The following BMP6 variants were observed in gnomAD, a reference collection of about 807,000 sequenced individuals.
BMP6 encodes the protein bone morphogenetic protein 6.
In BMP6, 17 loss-of-function variants were observed where a neutral mutation model predicts 54.1. The observed-to-expected ratio is 0.31, with a 90% CI of 0.22 to 0.47. The LOEUF is 0.47. Ranked by LOEUF, BMP6 falls within the 20% of genes least tolerant of loss-of-function variation. The pLI, the probability that BMP6 is intolerant of heterozygous loss-of-function variation, is 1.00. For synonymous variants in BMP6, 328 were observed against 291.2 expected (o/e 1.13, Z -1.28); for missense variants, 720 against 690.4 (o/e 1.04, Z -0.48).
intron 2 of BMP6, among the ~76,000 whole-genome samples, chr6:7,854,322 T>G (rs1356999637): frequency 3.9e-5 from 6 of 152,192 alleles, no homozygotes; most frequent in Non-Finnish European, 7.3e-5. Flanking sequence ...ATCTACTATA[T>G]ATACCCATAA....
intron 2 of BMP6, among the ~76,000 whole-genome samples, chr6:7,849,816 C>T (rs1759116859): frequency 1.3e-5 from 2 of 152,158 alleles, no homozygotes; most frequent in South Asian, 4.1e-4. Flanking sequence ...CCGTGTTCTG[C>T]TCTCTGTGTT....
At chr6:7,823,367 A>G (rs1237182460) in intron 1 of BMP6, among the ~76,000 whole-genome samples, 1 of 152,212 alleles carries the variant, frequency 6.6e-6, no homozygotes, top group Admixed American at 6.5e-5. Flanking sequence ...CCTTTAGCCA[A>G]TGAAGACAAT....
intron 1 of BMP6, among the ~76,000 whole-genome samples, chr6:7,827,492 T>TC (rs1275593667): frequency 6.6e-6 from 1 of 152,120 alleles, no homozygotes; most frequent in Non-Finnish European, 1.5e-5. Flanking sequence ...TCCTTGTGGC[T>TC]CCCCCTTCCC....
chr6:7,835,913 T>C (rs922382614), intron 1 of BMP6, among the ~76,000 whole-genome samples: 1 of 152,090 alleles, frequency 6.6e-6, no homozygotes, highest in Non-Finnish European at 1.5e-5. Flanking sequence ...CTCGGCTCCC[T>C]GCAACCTCTG....
chr6:7,808,999 T>C (rs1376374987), intron 1 of BMP6, among the ~76,000 whole-genome samples: 1 of 151,502 alleles, frequency 6.6e-6, no homozygotes, highest in Non-Finnish European at 1.5e-5. Context: ...CTTCTGTGCC[T>C]TGAGGATCCT....
chr6:7,876,936 G>T, intron 4 of BMP6, among the ~76,000 whole-genome samples: 1 of 150,456 alleles, frequency 6.6e-6, no homozygotes, highest in South Asian at 2.2e-4. Flanking sequence ...GTTTTGTTTT[G>T]GTATTCTTCC....
intron 4 of BMP6, among the ~76,000 whole-genome samples, chr6:7,869,233 C>T (rs985517407): frequency 2.6e-5 from 4 of 152,230 alleles, no homozygotes; most frequent in African/African-American, 7.2e-5. Context: ...CTCTGGGTCT[C>T]ATACCTATGG....
chr6:7,742,915 C>G (rs568335530), intron 1 of BMP6, among the ~76,000 whole-genome samples: 10 of 152,284 alleles, frequency 6.6e-5, no homozygotes, highest in East Asian at 1.9e-4. Flanking sequence ...TCTTTCCCCC[C>G]CTTCTTATCC....
chr6:7,843,499 A>G (rs770761605), intron 1 of BMP6, among the ~76,000 whole-genome samples: 5 of 151,642 alleles, frequency 3.3e-5, no homozygotes, highest in Admixed American at 6.6e-5. Flanking sequence ...TAATTATGAA[A>G]AACAACATGT....
Position 7,766,028 on chromosome 6 carries a change from G to C in BMP6, c.664+38409G>C, listed in dbSNP as rs571256769. Among the ~76,000 whole-genome samples the C allele has an allele frequency of 2.0e-5, 3 of 152,236 alleles. No homozygotes were observed. The South Asian group carries it at 6.2e-4, about 32-fold the overall frequency. ...AAAAATCTTACCTTAAGCATTCCTGGAAGATATTCACAGCTTCCAGGGATC... is the reference window on the plus strand; with the variant it reads ...AAAAATCTTACCTTAAGCATTCCTGCAAGATATTCACAGCTTCCAGGGATC... On this transcript the variant is annotated intron_variant, in intron 1 of 6. Coordinates refer to ENST00000283147, the MANE Select transcript of BMP6 (RefSeq NM_001718.6).
chr6:7,828,092 C>G lies in BMP6; in HGVS notation c.665-17048C>G, dbSNP rs62387051. ...TTGTTTTGTTTCTAAATCATACATTCAAATGCTTGAGCCTGGTGAATTTTT... is the reference window on the plus strand; with the variant it reads ...TTGTTTTGTTTCTAAATCATACATTGAAATGCTTGAGCCTGGTGAATTTTT... On this transcript the variant is annotated intron_variant, in intron 1 of 6. Coordinates refer to ENST00000283147, the MANE Select transcript of BMP6 (RefSeq NM_001718.6). Among the ~76,000 whole-genome samples the G allele has an allele frequency of 1.0e-2, 1,517 of 152,280 alleles. 16 individuals carry two copies. Among genetic ancestry groups the G allele is most frequent in the Non-Finnish European group, 0.018 (1,194 of 68,016 alleles).
intron 1 of BMP6, among the ~76,000 whole-genome samples, chr6:7,729,011 ATCC>A (rs1432078128): frequency 1.3e-5 from 2 of 152,138 alleles, no homozygotes; most frequent in African/African-American, 4.8e-5. Flanking sequence ...TGGTGCAGAA[ATCC>A]TCCTGGGAAA....
Position 7,880,386 on chromosome 6 carries a change from C to T in BMP6, c.*43C>T. The T allele has an allele frequency of 6.2e-7, 1 of 1,609,936 alleles. No homozygotes were observed. Among genetic ancestry groups the T allele is most frequent in the South Asian group, 1.1e-5 (1 of 90,938 alleles). On this transcript the variant is annotated 3_prime_UTR_variant, in exon 7 of 7. Transcript: ENST00000283147. ...GGGACACACATTCTGCCTTGGATTC[C>T]TAGATTACATCTGCCTTAAAAAAAC...
At chr6:7,827,864 C>T (rs577742287) in intron 1 of BMP6, among the ~76,000 whole-genome samples, 18 of 152,298 alleles carry the variant, frequency 1.2e-4, no homozygotes, top group African/African-American at 3.8e-4. Flanking sequence ...AGTAAAAGCA[C>T]CCAAAAGCAC....
At chr6:7,744,143 T>G (rs1380414962) in intron 1 of BMP6, among the ~76,000 whole-genome samples, 4 of 152,262 alleles carry the variant, frequency 2.6e-5, no homozygotes, top group Non-Finnish European at 5.9e-5. Flanking sequence ...TCCATCCATT[T>G]TCCCATTCAG....
At position 7,803,212 on chromosome 6, in the gene BMP6, G is replaced by A. The variant is rs181800523; in HGVS notation, c.665-41928G>A. On this transcript the variant is annotated intron_variant, in intron 1 of 6. Coordinates refer to ENST00000283147, the MANE Select transcript of BMP6 (RefSeq NM_001718.6). The stretch of plus-strand genomic sequence containing the variant: ...ACCTCAAGGTAGAAAGACCGTGACT[G>A]GCTCAAGCTTGGCTAGAGCATCCGT... 1.3e-3 allele frequency among the ~76,000 whole-genome samples: 203 copies of A among 152,232 alleles called. 1 individual carries two copies. The highest frequency in any genetic ancestry group is 4.8e-3 in the African/African-American group (199 of 41,542).
intron 1 of BMP6, among the ~76,000 whole-genome samples, chr6:7,809,655 C>T (rs1004178297): frequency 2.0e-5 from 3 of 152,160 alleles, no homozygotes; most frequent in Admixed American, 2.0e-4. Flanking sequence ...ACCATTCAGT[C>T]GGAAGCTTCA....
At chr6:7,806,918 T>C (rs558905416) in intron 1 of BMP6, among the ~76,000 whole-genome samples, 1 of 152,328 alleles carries the variant, frequency 6.6e-6, no homozygotes, top group Admixed American at 6.5e-5. Flanking sequence ...ATGTGTTGGT[T>C]GATACTCCCT....
At chr6:7,856,710 C>T (rs145394509) in intron 2 of BMP6, among the ~76,000 whole-genome samples, 13,968 of 145,216 alleles carry the variant, frequency 0.096, 823 homozygotes, top group East Asian at 0.14. Flanking sequence ...CATTCTCCTG[C>T]CTCAGCCTCC....
Sources: allele counts gnomAD v4.1 joint callset (sites outside exome capture counted in the v4.1 genomes callset), GRCh38; gene constraint gnomAD v4.1.1; transcripts MANE v1.5; gene names NCBI Gene and HGNC (gene_info 2026-07-23, HGNC 2026-07-21).